The following ATP6V1E2 variants were observed in gnomAD, a reference collection of about 807,000 sequenced individuals.
ATP6V1E2 encodes the protein ATPase H+ transporting V1 subunit E2.
For missense variants in ATP6V1E2, 308 were observed against 273.3 expected (o/e 1.13, Z -0.90); for synonymous variants, 121 against 104.2 (o/e 1.16, Z -0.98).
chr2:46,514,145 T>C (rs1276361519), intron 4 of ATP6V1E2, among the ~76,000 whole-genome samples: 4 of 151,684 alleles, frequency 2.6e-5, no homozygotes, highest in African/African-American at 7.3e-5. Flanking sequence ...CTGGGTGTGG[T>C]GGTGGATGCC....
In ATP6V1E2 at chr2:46,535,216, A is replaced by G. The variant is rs541129206; in HGVS notation, c.-102+597T>C. ...CAATGTCTGAAAAGAGAGGTTTCAT[A>G]TATTCTGTTCAATTTTAAAGTTGCT... On this transcript the variant is annotated intron_variant, in intron 4 of 4. Coordinates refer to ENST00000522587, the MANE Select transcript of ATP6V1E2 (RefSeq NM_001318063.2). The surrounding 1 kb of genome is among the most constrained non-coding windows in gnomAD (Gnocchi z 4.4). 3.3e-4 allele frequency: 51 copies of G among 152,306 alleles called. No individual in the cohort carries two copies. The highest frequency in any genetic ancestry group is 1.2e-3 in the African/African-American group (50 of 41,572). 9.4% of individuals were successfully genotyped at this position (152,306 alleles called of 1,614,324 possible).
intron 4 of ATP6V1E2, among the ~76,000 whole-genome samples, chr2:46,518,526 A>ACACACACACACACAG (rs59512948): frequency 1.9e-4 from 17 of 90,746 alleles, no homozygotes; most frequent in African/African-American, 6.1e-4. Context: ...CACACACACA[A>ACACACACACACACAG]ATGCTATCCC....
chr2:46,523,984 T>C (rs1666767225), intron 4 of ATP6V1E2, among the ~76,000 whole-genome samples: 1 of 152,182 alleles, frequency 6.6e-6, no homozygotes, highest in South Asian at 2.1e-4. Context: ...TTTTATTCTC[T>C]TTGTAGCGAT....
At position 46,512,062 on chromosome 2, in the gene ATP6V1E2, C is replaced by A. The variant is rs903891895; in HGVS notation, c.650G>T (p.Gly217Val). The A allele has an allele frequency of 6.8e-6, 11 of 1,609,522 alleles. No homozygotes were observed. In the South Asian group the frequency reaches 1.2e-4, roughly 18 times the overall value. ...KMPEIRMALF[G>V]ANTNRKFFI ...AAAGAACTTTCTGTTGGTGTTAGCACCAAACAAGGCCATTCGTATTTCTGG... is the reference window on the plus strand; with the variant it reads ...AAAGAACTTTCTGTTGGTGTTAGCAACAAACAAGGCCATTCGTATTTCTGG... Residue 217 changes from glycine to valine, a missense_variant, in exon 5 of 5, where the codon GGT becomes GTT. By Grantham distance (109) the Gly-to-Val change is moderately radical. Coordinates refer to ENST00000522587, the MANE Select transcript of ATP6V1E2 (RefSeq NM_001318063.2).
At chr2:46,537,407 C>G (rs1667500508) in intron 2 of ATP6V1E2, 1 of 152,164 alleles carries the variant, frequency 6.6e-6, no homozygotes, top group South Asian at 2.1e-4. Context: ...CTAAGTTGAG[C>G]TAATCAGAAG....
rs1027142446 is a variant in ATP6V1E2, at chr2:46,536,654, G to A, written c.-260C>T. ...TGGTTCACAGAGGGAGAAGAATACA[G>A]GCCAAAATTAGGGATTCAGTCAGTA... On this transcript the variant is annotated 5_prime_UTR_variant, in exon 3 of 5. Transcript: ENST00000522587. The A allele has an allele frequency of 6.6e-6, 1 of 152,186 alleles. No homozygotes were observed. The highest frequency in any genetic ancestry group is 1.9e-4 in the East Asian group (1 of 5,194). The allele number at this position is 152,186 out of a possible 1,614,324, so 9.4% of individuals were successfully genotyped here.
At chr2:46,541,146 C>G in intron 2 of ATP6V1E2, among the ~76,000 whole-genome samples, 1 of 152,190 alleles carries the variant, frequency 6.6e-6, no homozygotes, top group East Asian at 1.9e-4. Flanking sequence ...GTCCTGCAAG[C>G]CAAGAATGGG....
At chr2:46,534,388 G>C (rs1301952634) in intron 4 of ATP6V1E2, 1 of 151,936 alleles carries the variant, frequency 6.6e-6, no homozygotes, top group Non-Finnish European at 1.5e-5. Context: ...AGTTCCATTT[G>C]GTTATTTTCT....
Position 46,535,058 on chromosome 2 carries a change from A to G in ATP6V1E2, c.-102+755T>C, listed in dbSNP as rs1418403774. 6.6e-6 allele frequency: 1 copy of G among 152,182 alleles called. No homozygotes were observed. The highest frequency in any genetic ancestry group is 1.5e-5 in the Non-Finnish European group (1 of 68,024). 9.4% of individuals were successfully genotyped at this position (152,182 alleles called of 1,614,324 possible). On this transcript the variant is annotated intron_variant, in intron 4 of 4. Coordinates refer to ENST00000522587, the MANE Select transcript of ATP6V1E2 (RefSeq NM_001318063.2). This position sits in a 1 kb window ranked among gnomAD's most constrained non-coding sequence, Gnocchi z 4.4. ...ACTATCTCCTCAACTCAGCAAGACC[A>G]CTATGCTCTGCTTGGGTTCCCCCTC...
intron 4 of ATP6V1E2, among the ~76,000 whole-genome samples, chr2:46,523,428 G>A (rs1163200159): frequency 6.6e-6 from 1 of 152,154 alleles, no homozygotes; most frequent in South Asian, 2.1e-4. Context: ...TGTAAGGAAG[G>A]GGTCCAGTTT....
In ATP6V1E2 at chr2:46,538,342, G is replaced by C. The variant is rs537335787; in HGVS notation, c.-309-1639C>G. Among the ~76,000 whole-genome samples, 196 of 152,288 alleles carry C rather than the reference G, an allele frequency of 1.3e-3. 5 individuals are homozygous for C. In the South Asian group the frequency reaches 0.039, roughly 30 times the overall value. ...ATGGCAAATGCATTAGCTTTGAAGA[G>C]AGATGATTTTGAAACCTAGCTCTGC... On this transcript the variant is annotated intron_variant, in intron 2 of 4. Transcript: ENST00000522587.
intron 2 of ATP6V1E2, among the ~76,000 whole-genome samples, chr2:46,538,905 G>A (rs1293362951): frequency 1.3e-5 from 2 of 152,110 alleles, no homozygotes; most frequent in East Asian, 1.9e-4. Context: ...GGAGGTTGAG[G>A]CTATAGTGAG....
intron 4 of ATP6V1E2, chr2:46,527,751 G>T (rs950698157): frequency 6.6e-6 from 1 of 152,140 alleles, no homozygotes; most frequent in Non-Finnish European, 1.5e-5. Flanking sequence ...TATCATTGTG[G>T]TTTTGATTTG....
At chr2:46,525,234 G>A (rs1241204282) in intron 4 of ATP6V1E2, among the ~76,000 whole-genome samples, 2 of 152,094 alleles carry the variant, frequency 1.3e-5, no homozygotes, top group African/African-American at 2.4e-5. Flanking sequence ...CAGTACTTTG[G>A]GAGGCCGAGG....
chr2:46,513,110 G>C (rs1687550020), intron 4 of ATP6V1E2, among the ~76,000 whole-genome samples: 3 of 152,144 alleles, frequency 2.0e-5, no homozygotes, highest in African/African-American at 4.8e-5. Context: ...CAACAGAATG[G>C]AAACACCAAA....
chr2:46,536,207 T>A (rs1028313976), intron 3 of ATP6V1E2, among the ~76,000 whole-genome samples: 1 of 152,240 alleles, frequency 6.6e-6, no homozygotes, highest in African/African-American at 2.4e-5. Context: ...GGCTGGGCCA[T>A]TCTTCTGAGT....
chr2:46,518,614 T>C (rs923131349), intron 4 of ATP6V1E2, among the ~76,000 whole-genome samples: 1 of 151,958 alleles, frequency 6.6e-6, no homozygotes, highest in African/African-American at 2.4e-5. Flanking sequence ...TTGGGTTCAA[T>C]CTTACAAAAT....
intron 4 of ATP6V1E2, among the ~76,000 whole-genome samples, chr2:46,515,181 G>C (rs1228600142): frequency 6.6e-6 from 1 of 152,200 alleles, no homozygotes; most frequent in Admixed American, 6.5e-5. Context: ...GCATATGAAA[G>C]TGTAAAGCTC....
chr2:46,534,733 C>T (rs1558669378), intron 4 of ATP6V1E2: 2 of 150,152 alleles, frequency 1.3e-5, no homozygotes, highest in Admixed American at 1.3e-4. Context: ...CTAGAGTTAC[C>T]TCACTTTTCG....
Sources: gnomAD v4.1 joint callset for allele counts (sites outside exome capture counted in the v4.1 genomes callset) on GRCh38, gnomAD v4.1.1 for gene constraint, Gnocchi (gnomAD v3.1) non-coding constraint, MANE v1.5 for transcripts, NCBI Gene and HGNC (gene_info 2026-07-23, HGNC 2026-07-21) for gene names.